Variants in CREBRF observed in about 807,000 individuals in gnomAD.
CREBRF encodes UPF0474 protein C5orf41.
Under a neutral mutation model 66.1 loss-of-function variants are expected in CREBRF, and 5 were observed. The observed-to-expected ratio is 0.08, with a 90% CI of 0.04 to 0.16. CREBRF has a LOEUF of 0.16. Among genes scored for constraint, CREBRF ranks in the 10% least tolerant of loss-of-function variants. The pLI, the probability that CREBRF is intolerant of heterozygous loss-of-function variation, is 1.00. For missense variants in CREBRF, 531 were observed against 744.9 expected, an observed-to-expected ratio of 0.71 and a Z score of 3.34; for synonymous variants, 229 against 264.4, an observed-to-expected ratio of 0.87 and a Z score of 1.30.
At chr5:173,103,055 G>A (rs1758666233) in intron 4 of CREBRF, among the ~76,000 whole-genome samples, 1 of 152,198 alleles carries the variant, frequency 6.6e-6, no homozygotes, top group Admixed American at 6.5e-5. Context: ...CAGGGAGGCA[G>A]AACTAGTCAC....
intron 4 of CREBRF, 41 bp from the exon 5 acceptor site, chr5:173,108,583 G>GA (rs766300347): frequency 1.3e-6 from 2 of 1,550,252 alleles, no homozygotes; most frequent in Non-Finnish European, 1.8e-6. Flanking sequence ...TTGATTTATT[G>GA]AAATTTATGG....
rs192763928 is a variant in CREBRF at position 173,115,762 on chromosome 5, G to A, written c.1681+3383G>A. On this transcript the variant is annotated intron_variant, in intron 7 of 8. Coordinates refer to ENST00000296953, the MANE Select transcript of CREBRF (RefSeq NM_153607.3). ...TGGGACTACAGGCACCCGCCACCAC[G>A]CCCGGCTAATTTTATTTTTTTGTAT... Among the ~76,000 whole-genome samples the A allele has an allele frequency of 4.4e-3, 670 of 152,186 alleles. 4 individuals carry two copies. The highest frequency in any genetic ancestry group is 0.017 in the Middle Eastern group (5 of 294).
At chr5:173,096,902 C>T (rs1758492341) in intron 4 of CREBRF, among the ~76,000 whole-genome samples, 1 of 152,072 alleles carries the variant, frequency 6.6e-6, no homozygotes, top group East Asian at 1.9e-4. Flanking sequence ...TGTGGCATAT[C>T]ATTGATTGAT....
intron 2 of CREBRF, among the ~76,000 whole-genome samples, chr5:173,083,065 A>G (rs1045795385): frequency 6.6e-5 from 10 of 151,396 alleles, no homozygotes; most frequent in Admixed American, 6.6e-4. Flanking sequence ...CATCTCTACT[A>G]AAAAATATAA....
chr5:173,085,952 G>A (rs894067032), intron 2 of CREBRF: 20 of 1,431,140 alleles, frequency 1.4e-5, no homozygotes, highest in Non-Finnish European at 2.0e-5. Context: ...TTCAAATGAA[G>A]ATGGAGAGAC....
rs575874560 is a variant in CREBRF at position 173,082,823 on chromosome 5, C to T, written c.9+2039C>T. Among the ~76,000 whole-genome samples, 190 of 139,996 alleles carry T rather than the reference C, an allele frequency of 1.4e-3. 2 individuals are homozygous for T. Among genetic ancestry groups the T allele is most frequent in the South Asian group, 7.3e-3 (31 of 4,250 alleles). 91.8% of individuals were successfully genotyped at this position (139,996 alleles called of 152,430 possible). On this transcript the variant is annotated intron_variant, in intron 2 of 8. Coordinates refer to ENST00000296953, the MANE Select transcript of CREBRF (RefSeq NM_153607.3). ...ACTCAGAAGGCTGAGGCGGGAGAAT[C>T]GCATGAACCCTGCGGGGGGAGGTTG...
chr5:173,133,521 A>C (rs1190866581), intron 8 of CREBRF, 109 bp from the exon 9 acceptor site: 2 of 526,892 alleles, frequency 3.8e-6, no homozygotes, highest in African/African-American at 3.9e-5. Context: ...ATTTGGGACC[A>C]GTATCAAGCT....
At position 173,090,923 on chromosome 5, in the gene CREBRF, C is replaced by T. The variant is rs1319920629; in HGVS notation, c.744C>T (p.Ser248=). The change falls in exon 4 of 9, where the codon AGC becomes AGT. Residue 248 remains serine (S), a synonymous_variant. Transcript: ENST00000296953. This position sits in a 1 kb window ranked among gnomAD's most constrained non-coding sequence, Gnocchi z 4.5. Reference sequence around the variant, plus strand: ...TAAAGATCAACCCAGTGCAACAGAGCCGGCCCTTGTTGAGCCAGATTCACA... The same window carrying T: ...TAAAGATCAACCCAGTGCAACAGAGTCGGCCCTTGTTGAGCCAGATTCACA... The part of the protein sequence containing the change: ...AKVKINPVQQ[S]RPLLSQIHTD... The T allele has an allele frequency of 3.1e-6, 5 of 1,614,182 alleles. No individual in the cohort carries two copies. Among genetic ancestry groups the T allele is most frequent in the South Asian group, 2.2e-5 (2 of 91,086 alleles).
intron 1 of CREBRF, among the ~76,000 whole-genome samples, chr5:173,073,913 G>A (rs1757668943): frequency 6.6e-6 from 1 of 152,188 alleles, no homozygotes. Context: ...GTTGTAGTGA[G>A]CCGAGATTGC....
intron 2 of CREBRF, among the ~76,000 whole-genome samples, chr5:173,082,009 T>TG: frequency 2.3e-5 from 1 of 44,008 alleles, no homozygotes; most frequent in East Asian, 3.4e-4. Context: ...TTTAGTTTTT[T>TG]TTTTTTTTTT....
chr5:173,069,188 C>T (rs1279756670), intron 1 of CREBRF, among the ~76,000 whole-genome samples: 2 of 151,980 alleles, frequency 1.3e-5, no homozygotes, highest in African/African-American at 4.8e-5. Context: ...AAATAGCCAC[C>T]ATTTATTGAG....
chr5:173,084,189 A>G (rs1306030931), intron 2 of CREBRF, among the ~76,000 whole-genome samples: 1 of 152,210 alleles, frequency 6.6e-6, no homozygotes, highest in Non-Finnish European at 1.5e-5. Context: ...GATGGGGAAC[A>G]TGTTTTCTAA....
chr5:173,105,256 T>TAC (rs1758722391), intron 4 of CREBRF, among the ~76,000 whole-genome samples: 1 of 148,446 alleles, frequency 6.7e-6, no homozygotes, highest in Non-Finnish European at 1.5e-5. Flanking sequence ...TGTGTGTGTG[T>TAC]ACACACACAG....
At chr5:173,069,084 AAAAG>A (rs2113675176) in intron 1 of CREBRF, among the ~76,000 whole-genome samples, 1 of 152,166 alleles carries the variant, frequency 6.6e-6, no homozygotes, top group East Asian at 1.9e-4. Context: ...AAAACAAAAA[AAAAG>A]AAAAGGATTC....
chr5:173,068,534 A>G (rs1365763258), intron 1 of CREBRF, among the ~76,000 whole-genome samples: 2 of 152,224 alleles, frequency 1.3e-5, no homozygotes, highest in Non-Finnish European at 2.9e-5. Flanking sequence ...AAAGAGCAAT[A>G]ATCTTTCTAA....
At chr5:173,081,677 C>T (rs1038502876) in intron 2 of CREBRF, among the ~76,000 whole-genome samples, 6 of 152,132 alleles carry the variant, frequency 3.9e-5, no homozygotes. Flanking sequence ...AATCCCAGCA[C>T]TTTGGGAGGC....
intron 1 of CREBRF, among the ~76,000 whole-genome samples, chr5:173,076,596 C>T (rs1757770891): frequency 6.6e-6 from 1 of 151,592 alleles, no homozygotes; most frequent in African/African-American, 2.4e-5. Context: ...ACTAAAAATA[C>T]AAAAAAATTA....
rs1236618266 is a variant in CREBRF, at chr5:173,060,724, T to C, written c.-192+4245T>C. On this transcript the variant is annotated intron_variant, in intron 1 of 8. Transcript: ENST00000296953. ...TATTTTAAGACAAGGGTTGACAGAC[T>C]TTTTTTTTTTTTTTGGAACAGGATC... Among the ~76,000 whole-genome samples the C allele has an allele frequency of 5.0e-5, 7 of 138,684 alleles. No individual in the cohort carries two copies. The East Asian group carries it at 1.5e-3, about 30-fold the overall frequency. The allele number at this position is 138,684 out of a possible 152,430, so 91.0% of individuals were successfully genotyped here.
At chr5:173,128,920 A>G (rs1759338266) in intron 8 of CREBRF, among the ~76,000 whole-genome samples, 1 of 150,782 alleles carries the variant, frequency 6.6e-6, no homozygotes, top group African/African-American at 2.4e-5. Context: ...AGCTGGGACT[A>G]CAGGTGCCCG....
Sources: allele counts gnomAD v4.1 joint callset (sites outside exome capture counted in the v4.1 genomes callset), GRCh38; gene constraint gnomAD v4.1.1; non-coding constraint Gnocchi (gnomAD v3.1); transcripts MANE v1.5; gene names NCBI Gene and HGNC (gene_info 2026-07-23, HGNC 2026-07-21).